PRMT3: variants seen among roughly 807,000 people sequenced by gnomAD.
PRMT3 encodes protein arginine N-methyltransferase 3.
Under a neutral mutation model 71.9 loss-of-function variants are expected in PRMT3, and 62 were observed. The ratio of observed to expected loss-of-function variants is 0.86; its 90% CI spans 0.70 to 1.07. PRMT3 has a LOEUF of 1.07. Among genes scored for constraint, PRMT3 ranks in the 50% least tolerant of loss-of-function variants. The pLI is 0.00. For missense variants in PRMT3, 663 were observed against 643.0 expected (o/e 1.03, Z -0.34); for synonymous variants, 213 against 220.4 (o/e 0.97, Z 0.30).
At chr11:20,444,325 T>G (rs1849976543) in intron 10 of PRMT3, among the ~76,000 whole-genome samples, 1 of 152,180 alleles carries the variant, frequency 6.6e-6, no homozygotes, top group South Asian at 2.1e-4. Context: ...GTGGCTACTA[T>G]GTACCTGGCA....
Position 20,387,797 on chromosome 11 carries a change from A to T in PRMT3, c.28+23A>T, listed in dbSNP as rs957987412. On this transcript the variant is annotated intron_variant, in intron 1 of 15. Coordinates refer to ENST00000331079, the MANE Select transcript of PRMT3 (RefSeq NM_005788.4). The surrounding 1 kb of genome is among the most constrained non-coding windows in gnomAD (Gnocchi z 4.3). ...CCGGTGGGTACCCTGGCCCCTCAGC[A>T]CCCGGCTCGTCCAGCCCCAGGCCGC... 3.2e-6 allele frequency: 5 copies of T among 1,541,198 alleles called. No homozygotes were observed. The African/African-American group carries it at 6.9e-5, about 21-fold the overall frequency.
intron 9 of PRMT3, among the ~76,000 whole-genome samples, chr11:20,422,698 T>G (rs1169285736): frequency 6.6e-6 from 1 of 152,162 alleles, no homozygotes; most frequent in East Asian, 1.9e-4. Flanking sequence ...AAAAAATTAT[T>G]TAGGCTTTGT....
intron 9 of PRMT3, among the ~76,000 whole-genome samples, chr11:20,422,107 T>C (rs1243335019): frequency 1.3e-5 from 2 of 152,166 alleles, no homozygotes; most frequent in Non-Finnish European, 2.9e-5. Flanking sequence ...CCTGGAAGAA[T>C]CTCTTCACAG....
intron 8 of PRMT3, chr11:20,406,205 CT>C (rs767469634): frequency 6.6e-5 from 10 of 152,196 alleles, no homozygotes; most frequent in Non-Finnish European, 8.8e-5. Flanking sequence ...TTTAAATCAT[CT>C]CCAGATTACT....
chr11:20,480,341 G>A lies in PRMT3; in HGVS notation c.1348-13578G>A, dbSNP rs138723709. ...TCTATGTAAAACCAGTGGTTCTTGCGTTAGCTAGATATCTGTTTTTTTGCT... is the reference window on the plus strand; with the variant it reads ...TCTATGTAAAACCAGTGGTTCTTGCATTAGCTAGATATCTGTTTTTTTGCT... On this transcript the variant is annotated intron_variant, in intron 13 of 15. Transcript: ENST00000331079. Among the ~76,000 whole-genome samples, 804 of 152,258 alleles carry A rather than the reference G, an allele frequency of 5.3e-3. 19 individuals carry two copies. The highest frequency in any genetic ancestry group is 0.049 in the Admixed American group (742 of 15,296).
At position 20,429,991 on chromosome 11, in the gene PRMT3, TAAAC is replaced by T. The variant is rs138989561; in HGVS notation, c.993+3130_993+3133del. Among the ~76,000 whole-genome samples, 1,436 of 152,312 alleles carry T rather than the reference TAAAC, an allele frequency of 9.4e-3. 26 individuals carry two copies. Among genetic ancestry groups the T allele is most frequent in the African/African-American group, 0.033 (1,384 of 41,556 alleles). The stretch of plus-strand genomic sequence containing the variant: ...AGCTGGAAAACATCAATTACATAAT[TAAAC>T]AAAGGGCAGGTATGCTTTCTAAACT... On this transcript the variant is annotated intron_variant, in intron 10 of 15. Coordinates refer to ENST00000331079, the MANE Select transcript of PRMT3 (RefSeq NM_005788.4).
rs1851646779 is a variant in PRMT3, at chr11:20,508,382, A to T, written c.1565A>T (p.Asn522Ile). ...TCTCTCACCGTGACCCTCACGTTGAATAATTCAACTCAAACTTATGGTCTC... is the reference window on the plus strand; with the variant it reads ...TCTCTCACCGTGACCCTCACGTTGATTAATTCAACTCAAACTTATGGTCTC... ...PRSLTVTLTL[N>I]NSTQTYGLQ The change falls in exon 16 of 16, where the codon AAT becomes ATT. Residue 522 changes from asparagine (N) to isoleucine (I), a missense_variant. By Grantham distance (149) the Asn-to-Ile change is moderately radical (BLOSUM62 -3). Coordinates refer to ENST00000331079, the MANE Select transcript of PRMT3 (RefSeq NM_005788.4). 6.2e-7 allele frequency: 1 copy of T among 1,608,500 alleles called. No individual in the cohort carries two copies. Among genetic ancestry groups the T allele is most frequent in the Non-Finnish European group, 8.5e-7 (1 of 1,175,046 alleles).
rs1475171791 is a variant in PRMT3 at position 20,407,910 on chromosome 11, G to C, written c.772-1G>C. 6.2e-7 allele frequency: 1 copy of C among 1,606,824 alleles called. No homozygotes were observed. The highest frequency in any genetic ancestry group is 2.2e-5 in the East Asian group (1 of 44,792). ...TTTTGGTTTTTTCTTAATTACCCTAGGTAGTTTTGGATGTTGGGTGTGGAA... is the reference window on the plus strand; with the variant it reads ...TTTTGGTTTTTTCTTAATTACCCTACGTAGTTTTGGATGTTGGGTGTGGAA... On this transcript the variant is annotated splice_acceptor_variant, in intron 8 of 15. Transcript: ENST00000331079. LOFTEE classifies it high-confidence loss of function.
At chr11:20,444,829 G>T (rs1849987426) in intron 10 of PRMT3, among the ~76,000 whole-genome samples, 1 of 151,992 alleles carries the variant, frequency 6.6e-6, no homozygotes, top group South Asian at 2.1e-4. Context: ...GAAAGAAGAA[G>T]AATGAAATTT....
At chr11:20,469,577 G>A (rs1850594458) in intron 13 of PRMT3, among the ~76,000 whole-genome samples, 1 of 152,052 alleles carries the variant, frequency 6.6e-6, no homozygotes, top group East Asian at 1.9e-4. Flanking sequence ...TGCTTGCTTG[G>A]GCCCAGAAGT....
At chr11:20,416,921 TTAA>T (rs1413661800) in intron 9 of PRMT3, among the ~76,000 whole-genome samples, 1 of 152,106 alleles carries the variant, frequency 6.6e-6, no homozygotes, top group Non-Finnish European at 1.5e-5. Context: ...ACTGGATACT[TTAA>T]TAAAGATAAC....
intron 15 of PRMT3, among the ~76,000 whole-genome samples, chr11:20,497,062 T>G (rs188448007): frequency 6.6e-6 from 1 of 152,340 alleles, no homozygotes; most frequent in East Asian, 1.9e-4. Context: ...TTTTCTTCAT[T>G]GTAGCCATTT....
chr11:20,448,846 A>G (rs1373744654), intron 10 of PRMT3, among the ~76,000 whole-genome samples: 1 of 152,180 alleles, frequency 6.6e-6, no homozygotes, highest in East Asian at 1.9e-4. Context: ...AGTAGATGTC[A>G]CTGTTGGAAG....
At chr11:20,437,782 G>C (rs1849794535) in intron 10 of PRMT3, among the ~76,000 whole-genome samples, 1 of 152,016 alleles carries the variant, frequency 6.6e-6, no homozygotes, top group South Asian at 2.1e-4. Context: ...GTAGAGACAG[G>C]GTTTCACCAT....
chr11:20,388,255 C>G, intron 2 of PRMT3, 101 bp downstream of exon 2: 1 of 1,530,330 alleles, frequency 6.5e-7, no homozygotes, highest in Admixed American at 1.8e-5. Flanking sequence ...CCAGAGTGGC[C>G]TGTCTTTGAA....
intron 10 of PRMT3, among the ~76,000 whole-genome samples, chr11:20,449,084 G>A (rs928631886): frequency 1.3e-5 from 2 of 152,104 alleles, no homozygotes; most frequent in Admixed American, 6.6e-5. Flanking sequence ...GGAGCCTATC[G>A]TAAAATGAAG....
intron 9 of PRMT3, among the ~76,000 whole-genome samples, chr11:20,408,687 G>T (rs958768388): frequency 2.0e-5 from 3 of 152,174 alleles, no homozygotes; most frequent in African/African-American, 7.2e-5. Flanking sequence ...CTTAACAAAA[G>T]CACCTTACAT....
chr11:20,387,859 G>A lies in PRMT3; in HGVS notation c.28+85G>A, dbSNP rs751948412. 4.4e-5 allele frequency: 67 copies of A among 1,531,356 alleles called. No individual in the cohort carries two copies. The highest frequency in any genetic ancestry group is 7.9e-6 in the Non-Finnish European group (9 of 1,137,882). The allele number at this position is 1,531,356 out of a possible 1,614,324, so 94.9% of individuals were successfully genotyped here. A position where few individuals can be genotyped will look rare whatever the true frequency, so the allele number is the denominator to read the frequency against. On this transcript the variant is annotated intron_variant, in intron 1 of 15. Transcript: ENST00000331079. This position sits in a 1 kb window ranked among gnomAD's most constrained non-coding sequence, Gnocchi z 4.3. ...GCCGGTGGAAGACCCTCCGGGACAC[G>A]GGCCCGGGCAGGGTGGGGGGCTCGC...
chr11:20,402,640 C>CT, intron 7 of PRMT3, among the ~76,000 whole-genome samples: 1 of 152,214 alleles, frequency 6.6e-6, no homozygotes, highest in Non-Finnish European at 1.5e-5. Flanking sequence ...AATTATCACT[C>CT]TAAGTCTTAT....
Sources: allele counts gnomAD v4.1 joint callset (sites outside exome capture counted in the v4.1 genomes callset), GRCh38; gene constraint gnomAD v4.1.1; non-coding constraint Gnocchi (gnomAD v3.1); transcripts MANE v1.5; gene names NCBI Gene and HGNC (gene_info 2026-07-23, HGNC 2026-07-21).